Variants in FSTL4 observed in about 807,000 individuals in gnomAD.
FSTL4 encodes follistatin-related protein 4.
Under a neutral mutation model 78.2 loss-of-function variants are expected in FSTL4, and 28 were observed. That is an observed-to-expected ratio of 0.36 (90% CI 0.27 to 0.49). The LOEUF (loss-of-function observed/expected upper bound fraction) is 0.49, where lower values mean the gene tolerates loss of function less well. FSTL4 is among the 20% of genes least tolerant of loss of function. FSTL4 has a pLI of 0.98. For synonymous variants in FSTL4, 422 were observed against 440.5 expected (o/e 0.96, Z 0.53); for missense variants, 922 against 1,084.9 (o/e 0.85, Z 2.11).
At chr5:133,730,397 C>T in the FSTL4 span, among the ~76,000 whole-genome samples, 5 of 152,186 alleles carry the variant, frequency 3.3e-5, no homozygotes, top group African/African-American at 4.8e-5. Context: ...GTGAACTAGA[C>T]GGGACTCAGG....
intron 6 of FSTL4, among the ~76,000 whole-genome samples, chr5:133,267,579 A>G (rs1366005382): frequency 6.6e-6 from 1 of 152,156 alleles, no homozygotes; most frequent in African/African-American, 2.4e-5. Flanking sequence ...CACCATGGCC[A>G]TAGTGCTCCT....
chr5:133,663,629 G>A, the FSTL4 span, among the ~76,000 whole-genome samples: 2 of 152,216 alleles, frequency 1.3e-5, no homozygotes, highest in African/African-American at 4.8e-5. Flanking sequence ...ATGCCTTTCT[G>A]CTAGAGTTGA....
chr5:133,446,033 T>C (rs1318435019), intron 3 of FSTL4, among the ~76,000 whole-genome samples: 3 of 152,128 alleles, frequency 2.0e-5, no homozygotes, highest in Non-Finnish European at 4.4e-5. Flanking sequence ...CCCAAGTGAT[T>C]GATTGTAGGG....
At position 133,535,867 on chromosome 5, in the gene FSTL4, A is replaced by T. The variant is rs554845059; in HGVS notation, c.160+31319T>A. On this transcript the variant is annotated intron_variant, in intron 3 of 15. Coordinates refer to ENST00000265342, the MANE Select transcript of FSTL4 (RefSeq NM_015082.2). ...TGGTGGACTGAAGGAAGTGAAGAGG[A>T]AGTAAACATTCTCATACTAATGAGT... Among the ~76,000 whole-genome samples the T allele has an allele frequency of 2.0e-5, 3 of 152,314 alleles. No homozygotes were observed. The East Asian group carries it at 5.8e-4, about 29-fold the overall frequency.
chr5:133,437,857 A>G (rs1025185516), intron 3 of FSTL4, among the ~76,000 whole-genome samples: 1 of 151,202 alleles, frequency 6.6e-6, no homozygotes, highest in African/African-American at 2.4e-5. Flanking sequence ...TGTTCTCTTC[A>G]CTTTCTTTTA....
chr5:133,599,198 A>G (rs544941747), intron 2 of FSTL4, among the ~76,000 whole-genome samples: 1 of 152,348 alleles, frequency 6.6e-6, no homozygotes, highest in South Asian at 2.1e-4. Flanking sequence ...TAGCAGCCCA[A>G]GTACTACTGA....
intron 2 of FSTL4, among the ~76,000 whole-genome samples, chr5:133,575,902 C>T (rs1561474895): frequency 6.6e-6 from 1 of 152,194 alleles, no homozygotes; most frequent in Non-Finnish European, 1.5e-5. Flanking sequence ...ATTCACTGCT[C>T]ATAACCTTTC....
At chr5:133,371,319 A>G (rs528056564) in intron 4 of FSTL4, among the ~76,000 whole-genome samples, 1 of 152,332 alleles carries the variant, frequency 6.6e-6, no homozygotes, top group Admixed American at 6.5e-5. Context: ...CAAGGCCCTC[A>G]CCGCAAGAGG....
the FSTL4 span, among the ~76,000 whole-genome samples, chr5:133,647,191 G>A: frequency 6.6e-6 from 1 of 152,140 alleles, no homozygotes; most frequent in Non-Finnish European, 1.5e-5. Flanking sequence ...GACTCCATTG[G>A]TGGCATCAGG....
At chr5:133,465,941 T>G (rs1199265902) in intron 3 of FSTL4, among the ~76,000 whole-genome samples, 2 of 152,212 alleles carry the variant, frequency 1.3e-5, no homozygotes, top group African/African-American at 4.8e-5. Context: ...CTAATCCCTA[T>G]GCCAACAAGC....
the FSTL4 span, among the ~76,000 whole-genome samples, chr5:133,672,053 C>T: frequency 2.6e-5 from 4 of 152,178 alleles, no homozygotes; most frequent in African/African-American, 9.7e-5. Flanking sequence ...TTACTTTTTA[C>T]ACTAAGGTCG....
At chr5:133,750,668 CCCTGTCCCGGCT>C in the FSTL4 span, among the ~76,000 whole-genome samples, 1 of 152,184 alleles carries the variant, frequency 6.6e-6, no homozygotes, top group Admixed American at 6.5e-5. Context: ...CCAGCCACCT[CCCTGTCCCGGCT>C]CCTAACATGG....
chr5:133,641,084 T>C, the FSTL4 span, among the ~76,000 whole-genome samples: 2 of 152,118 alleles, frequency 1.3e-5, no homozygotes, highest in African/African-American at 4.8e-5. Flanking sequence ...AAATAGCACC[T>C]CCTAGAGTCA....
At chr5:133,552,348 G>T (rs934324842) in intron 3 of FSTL4, among the ~76,000 whole-genome samples, 1 of 152,144 alleles carries the variant, frequency 6.6e-6, no homozygotes, top group Non-Finnish European at 1.5e-5. Context: ...ACTTAGTCTC[G>T]CTATGAGGAA....
At chr5:133,453,822 G>T (rs1270473729) in intron 3 of FSTL4, among the ~76,000 whole-genome samples, 1 of 152,190 alleles carries the variant, frequency 6.6e-6, no homozygotes, top group Non-Finnish European at 1.5e-5. Context: ...AGGCTTTGGA[G>T]GAACAGTGGC....
At chr5:133,798,995 A>AGGGAGGGATGGAGGAAGGGG in the FSTL4 span, among the ~76,000 whole-genome samples, 1 of 89,674 alleles carries the variant, frequency 1.1e-5, no homozygotes, top group Admixed American at 1.2e-4. Context: ...GGAGGAAGGG[A>AGGGAGGGATGGAGGAAGGGG]GGGAGAGAGA....
chr5:133,408,776 T>C (rs1478819544), intron 3 of FSTL4, among the ~76,000 whole-genome samples: 2 of 152,170 alleles, frequency 1.3e-5, no homozygotes, highest in African/African-American at 4.8e-5. Flanking sequence ...ACGATAACAA[T>C]GGTCCTTACG....
At chr5:133,822,157 A>G in the FSTL4 span, among the ~76,000 whole-genome samples, 2 of 152,214 alleles carry the variant, frequency 1.3e-5, no homozygotes, top group Non-Finnish European at 2.9e-5. Flanking sequence ...CCTGATAAAC[A>G]GAGTTCACCC....
At chr5:133,671,983 G>C in the FSTL4 span, among the ~76,000 whole-genome samples, 1 of 152,204 alleles carries the variant, frequency 6.6e-6, no homozygotes, top group Non-Finnish European at 1.5e-5. Context: ...GCTTCTAAGA[G>C]AAGTTACTAT....
Sources: allele counts gnomAD v4.1 joint callset (sites outside exome capture counted in the v4.1 genomes callset), GRCh38; gene constraint gnomAD v4.1.1; transcripts MANE v1.5; gene names NCBI Gene and HGNC (gene_info 2026-07-23, HGNC 2026-07-21).